The following SH2D4A variants were observed in gnomAD, a reference collection of about 807,000 sequenced individuals.
SH2D4A encodes the protein SH2 domain-containing protein 4A.
A neutral mutation model predicts 64.7 loss-of-function variants in SH2D4A; 70 were observed. The ratio of observed to expected loss-of-function variants is 1.08; its 90% CI spans 0.89 to 1.32. SH2D4A has a LOEUF of 1.32. Among genes scored for constraint, SH2D4A ranks in the 40% most tolerant of loss-of-function variants. The pLI is 0.00. For synonymous variants in SH2D4A, 268 were observed against 200.7 expected (o/e 1.34, Z -2.83); for missense variants, 706 against 540.1 (o/e 1.31, Z -3.04).
At chr8:19,381,853 G>A (rs1377808523) in intron 8 of SH2D4A, among the ~76,000 whole-genome samples, 2 of 151,988 alleles carry the variant, frequency 1.3e-5, no homozygotes, top group South Asian at 2.1e-4. Flanking sequence ...TCATGATAGG[G>A]TATTGCATGT....
chr8:19,357,964 C>T (rs565427853), intron 5 of SH2D4A, among the ~76,000 whole-genome samples: 2 of 152,048 alleles, frequency 1.3e-5, no homozygotes, highest in East Asian at 3.9e-4. Context: ...AGGCCAGGGA[C>T]CTGTGTTCCT....
chr8:19,334,369 T>C (rs17128217), intron 3 of SH2D4A, among the ~76,000 whole-genome samples: 1,646 of 152,282 alleles, frequency 0.011, 40 homozygotes, highest in African/African-American at 0.037. Flanking sequence ...GTGGTTCTAA[T>C]AGGTTAACTT....
At chr8:19,354,155 C>G (rs1024951808) in intron 4 of SH2D4A, among the ~76,000 whole-genome samples, 1 of 152,006 alleles carries the variant, frequency 6.6e-6, no homozygotes, top group Admixed American at 6.6e-5. Context: ...CCATGCACCA[C>G]CATGCCAGCT....
In SH2D4A at chr8:19,319,716, A is replaced by T. The variant is rs1222501146; in HGVS notation, c.169A>T (p.Arg57Ter). The T allele has an allele frequency of 6.3e-7, 1 of 1,584,514 alleles. No homozygotes were observed. Among genetic ancestry groups the T allele is most frequent in the Admixed American group, 1.9e-5 (1 of 53,232 alleles). Residue 57 changes from arginine to a stop codon, truncating the protein, a stop_gained, in exon 2 of 10, where the codon AGA becomes TGA. Coordinates refer to ENST00000265807, the MANE Select transcript of SH2D4A (RefSeq NM_022071.4). LOFTEE classifies it high-confidence loss of function. ...ERKESLPVKP[R>*]PKKENGKSVH... ...AAAGGAGTCCCTGCCAGTGAAACCC[A>T]GACCAAAGAAAGGTAAACTTATCCA...
chr8:19,374,074 C>CT (rs1322819841), intron 8 of SH2D4A, among the ~76,000 whole-genome samples: 4 of 152,178 alleles, frequency 2.6e-5, no homozygotes, highest in Admixed American at 6.5e-5. Context: ...CAAATCATTA[C>CT]TTTTTCCGTA....
chr8:19,352,223 A>G (rs1048297768), intron 4 of SH2D4A, among the ~76,000 whole-genome samples: 9 of 152,244 alleles, frequency 5.9e-5, no homozygotes, highest in African/African-American at 2.2e-4. Context: ...ACCATGTAAT[A>G]CTGATGTTGT....
intron 1 of SH2D4A, among the ~76,000 whole-genome samples, chr8:19,318,507 C>T (rs982747943): frequency 6.6e-6 from 1 of 152,210 alleles, no homozygotes; most frequent in African/African-American, 2.4e-5. Flanking sequence ...CCACTGTGCA[C>T]TCTCGCTTTA....
intron 4 of SH2D4A, among the ~76,000 whole-genome samples, chr8:19,349,288 G>A (rs540301426): frequency 5.9e-5 from 9 of 152,174 alleles, no homozygotes; most frequent in East Asian, 5.8e-4. Flanking sequence ...AGAATTTCAC[G>A]GTAGGTAATT....
chr8:19,389,635 C>G (rs139807959), intron 8 of SH2D4A, among the ~76,000 whole-genome samples: 1 of 152,156 alleles, frequency 6.6e-6, no homozygotes, highest in Non-Finnish European at 1.5e-5. Context: ...TTCTGCCAGT[C>G]CTGGCCTGGA....
intron 1 of SH2D4A, chr8:19,314,150 CG>C: frequency 9.5e-7 from 1 of 1,058,088 alleles, no homozygotes; most frequent in Non-Finnish European, 1.2e-6. Flanking sequence ...GAGGGTCTGC[CG>C]GGGCTGAGGA....
At chr8:19,368,130 G>A (rs1300015869) in intron 7 of SH2D4A, among the ~76,000 whole-genome samples, 1 of 152,020 alleles carries the variant, frequency 6.6e-6, no homozygotes. Context: ...TTCTCCAGTA[G>A]GTGTTCTTGG....
At chr8:19,336,184 C>G (rs892741094) in intron 4 of SH2D4A, among the ~76,000 whole-genome samples, 10 of 152,194 alleles carry the variant, frequency 6.6e-5, no homozygotes, top group Non-Finnish European at 1.2e-4. Flanking sequence ...TGTGGTTAAG[C>G]AACCTGCCCA....
chr8:19,386,250 C>T (rs1332796057), intron 8 of SH2D4A, among the ~76,000 whole-genome samples: 1 of 152,210 alleles, frequency 6.6e-6, no homozygotes, highest in African/African-American at 2.4e-5. Flanking sequence ...GATTGTAAAG[C>T]AGCTGGAGAA....
chr8:19,322,883 C>A (rs2117180890), intron 2 of SH2D4A, among the ~76,000 whole-genome samples: 1 of 152,102 alleles, frequency 6.6e-6, no homozygotes, highest in African/African-American at 2.4e-5. Flanking sequence ...CCATGTTGGC[C>A]AGCCTGGTCT....
chr8:19,380,795 A>G (rs566332959), intron 8 of SH2D4A, among the ~76,000 whole-genome samples: 1 of 152,294 alleles, frequency 6.6e-6, no homozygotes, highest in South Asian at 2.1e-4. Flanking sequence ...AAGTTTTGAA[A>G]TGAGTATGTG....
chr8:19,375,786 G>A (rs2053185293), intron 8 of SH2D4A, among the ~76,000 whole-genome samples: 1 of 152,158 alleles, frequency 6.6e-6, no homozygotes, highest in Non-Finnish European at 1.5e-5. Flanking sequence ...GGTGATGGAT[G>A]TGTTAATTAG....
At chr8:19,363,641 T>A (rs1400237061) in intron 6 of SH2D4A, among the ~76,000 whole-genome samples, 1 of 152,180 alleles carries the variant, frequency 6.6e-6, no homozygotes. Flanking sequence ...TGAGTAGTCC[T>A]GATCTCTGCT....
rs1046629743 is a variant in SH2D4A, at chr8:19,395,464, C to T, written c.*822C>T. The T allele has an allele frequency of 6.6e-6, 1 of 152,234 alleles. No homozygotes were observed. The highest frequency in any genetic ancestry group is 2.4e-5 in the African/African-American group (1 of 41,416). 9.4% of individuals were successfully genotyped at this position (152,234 alleles called of 1,614,324 possible). A position where few individuals can be genotyped will look rare whatever the true frequency, so the allele number is the denominator to read the frequency against. ...AAATATATGGTGAAGTCTTAACCCCCATCCCCGTGAATGGGACCTTGTTTG... is the reference window on the plus strand; with the variant it reads ...AAATATATGGTGAAGTCTTAACCCCTATCCCCGTGAATGGGACCTTGTTTG... On this transcript the variant is annotated 3_prime_UTR_variant, in exon 10 of 10. Transcript: ENST00000265807.
At chr8:19,380,900 C>T (rs544821417) in intron 8 of SH2D4A, among the ~76,000 whole-genome samples, 1 of 152,028 alleles carries the variant, frequency 6.6e-6, no homozygotes, top group Non-Finnish European at 1.5e-5. Context: ...TTTTCTATTT[C>T]TACAAAAAAT....
Sources: gnomAD v4.1 joint callset for allele counts (sites outside exome capture counted in the v4.1 genomes callset) on GRCh38, gnomAD v4.1.1 for gene constraint, MANE v1.5 for transcripts, NCBI Gene and HGNC (gene_info 2026-07-23, HGNC 2026-07-21) for gene names.